The following ANKRD11 variants were observed in gnomAD, a reference collection of about 807,000 sequenced individuals.
ANKRD11 encodes ankyrin repeat domain 11, also known as ankyrin repeat domain-containing protein 11.
A neutral mutation model predicts 195.7 loss-of-function variants in ANKRD11; 17 were observed. That is an observed-to-expected ratio of 0.09 (90% CI 0.06 to 0.13). The LOEUF is 0.13. ANKRD11 is among the 10% of genes least tolerant of loss of function. The pLI, the probability that ANKRD11 is intolerant of heterozygous loss-of-function variation, is 1.00. For missense variants in ANKRD11, 3,735 were observed against 3,566.1 expected (o/e 1.05, Z -1.21); for synonymous variants, 1,953 against 1,528.1 (o/e 1.28, Z -6.49).
intron 2 of ANKRD11, among the ~76,000 whole-genome samples, chr16:89,380,917 C>A (rs2040615208): frequency 6.6e-6 from 1 of 152,162 alleles, no homozygotes; most frequent in South Asian, 2.1e-4. Flanking sequence ...CTGAGGCAGG[C>A]AGACGGAGCA....
rs997360364 is a variant in ANKRD11, at chr16:89,478,935, G to A, written c.-145+11310C>T. Among the ~76,000 whole-genome samples the A allele has an allele frequency of 7.9e-5, 12 of 152,300 alleles. No individual in the cohort carries two copies. The East Asian group carries it at 9.6e-4, about 12-fold the overall frequency. On this transcript the variant is annotated intron_variant, in intron 1 of 12. Transcript: ENST00000301030. ...TCCAGACCTTTCACTTGTTGGGTGT[G>A]TAAATAATGACCCAACACTTTTTCT...
chr16:89,416,241 G>A (rs1028258661), intron 2 of ANKRD11, among the ~76,000 whole-genome samples: 2 of 152,098 alleles, frequency 1.3e-5, no homozygotes. Flanking sequence ...GGTCCTGTCA[G>A]CAGAGTTGCT....
rs138564682 is a variant in ANKRD11, at chr16:89,381,953, T to C, written c.-60+36331A>G. ...CTCTCCACGGGGCTCAGACTGTATC[T>C]AGTTCTATCTTCAATGTAGTGTGTC... On this transcript the variant is annotated intron_variant, in intron 2 of 12. Transcript: ENST00000301030. Among the ~76,000 whole-genome samples the C allele has an allele frequency of 6.6e-4, 100 of 152,324 alleles. No homozygotes were observed. The Middle Eastern group carries it at 0.01, about 16-fold the overall frequency.
At chr16:89,473,293 T>G (rs770524969) in intron 1 of ANKRD11, among the ~76,000 whole-genome samples, 4 of 152,068 alleles carry the variant, frequency 2.6e-5, no homozygotes, top group Non-Finnish European at 4.4e-5. Context: ...AGAACTCTGA[T>G]GAGTCCATAC....
chr16:89,379,812 G>A (rs551944395), intron 2 of ANKRD11, among the ~76,000 whole-genome samples: 3 of 152,280 alleles, frequency 2.0e-5, no homozygotes, highest in South Asian at 2.1e-4. Flanking sequence ...TTAACATTCT[G>A]TTCAGCAAGA....
chr16:89,472,614 T>C (rs2057125813), intron 1 of ANKRD11, among the ~76,000 whole-genome samples: 2 of 152,276 alleles, frequency 1.3e-5, no homozygotes, highest in Admixed American at 6.5e-5. Context: ...CAACCTCCCA[T>C]TCCACTGCGC....
In ANKRD11 at chr16:89,283,666, T is replaced by C. The variant is rs755666999; in HGVS notation, c.2876A>G (p.Lys959Arg). 8.7e-6 allele frequency: 14 copies of C among 1,612,124 alleles called. No homozygotes were observed. The highest frequency in any genetic ancestry group is 1.1e-5 in the Non-Finnish European group (13 of 1,179,992). The change falls in exon 9 of 13, where the codon AAG becomes AGG. Residue 959 changes from lysine (K) to arginine (R), a missense_variant. Coordinates refer to ENST00000301030, the MANE Select transcript of ANKRD11 (RefSeq NM_013275.6). The surrounding 1 kb of genome is among the most constrained non-coding windows in gnomAD (Gnocchi z 4.3). The stretch of plus-strand genomic sequence containing the variant: ...CTTGGCCCTGCCGTCCCTGCGCTCC[T>C]TGCAGCTCTCCAGGGCGTCCTTTCT... ...RDRKDALESC[K>R]ERRDGRAKPE...
chr16:89,439,540 G>A (rs1044966108), intron 1 of ANKRD11, among the ~76,000 whole-genome samples: 1 of 152,198 alleles, frequency 6.6e-6, no homozygotes, highest in African/African-American at 2.4e-5. Flanking sequence ...GGATATGGGT[G>A]AGAAAACCCA....
intron 2 of ANKRD11, among the ~76,000 whole-genome samples, chr16:89,347,087 T>C (rs1042927870): frequency 6.6e-6 from 1 of 151,360 alleles, no homozygotes; most frequent in Admixed American, 6.6e-5. Flanking sequence ...ACTGAGCACA[T>C]GGGCTGGGCT....
At chr16:89,275,704 G>A (rs2033595739) in intron 9 of ANKRD11, among the ~76,000 whole-genome samples, 2 of 152,140 alleles carry the variant, frequency 1.3e-5, no homozygotes, top group Non-Finnish European at 2.9e-5. Context: ...ACTGGCCCAG[G>A]TCCCCGTGGG....
At position 89,282,233 on chromosome 16, in the gene ANKRD11, G is replaced by A. The variant is rs770961045; in HGVS notation, c.4309C>T (p.Pro1437Ser). The change falls in exon 9 of 13, where the codon CCT becomes TCT. Residue 1437 changes from proline (P) to serine (S), a missense_variant. Physicochemically the swap from Pro to Ser is moderately conservative, Grantham distance 74. Coordinates refer to ENST00000301030, the MANE Select transcript of ANKRD11 (RefSeq NM_013275.6). ...AGTTCCTTTTCTATTTTCTTGGAAG[G>A]TTCTCTCTCGGAATCATTTTTATCT... is the stretch of plus-strand genomic sequence containing the variant. Reference protein sequence around the residue: ...KKDKNDSEREPSKKIEKELKP... With the variant: ...KKDKNDSERESSKKIEKELKP... 7 of 1,613,418 alleles carry A rather than the reference G, an allele frequency of 4.3e-6. No homozygotes were observed. In the South Asian group the frequency reaches 4.4e-5, roughly 10 times the overall value.
At chr16:89,330,560 G>T (rs576456231) in intron 2 of ANKRD11, among the ~76,000 whole-genome samples, 1 of 151,188 alleles carries the variant, frequency 6.6e-6, no homozygotes, top group African/African-American at 2.4e-5. Flanking sequence ...GGGGTGGTGT[G>T]GGGGGGAGCC....
intron 2 of ANKRD11, among the ~76,000 whole-genome samples, chr16:89,325,469 T>A (rs575714229): frequency 0.026 from 3,885 of 147,672 alleles, 180 homozygotes; most frequent in African/African-American, 0.094. Flanking sequence ...TCTCTCTCTC[T>A]CACACACACA....
intron 2 of ANKRD11, among the ~76,000 whole-genome samples, chr16:89,346,458 C>G (rs1350324340): frequency 6.6e-6 from 1 of 152,092 alleles, no homozygotes; most frequent in African/African-American, 2.4e-5. Context: ...AATAATCACG[C>G]AATCCATTTT....
At chr16:89,384,081 G>A (rs148361323) in intron 2 of ANKRD11, among the ~76,000 whole-genome samples, 1 of 152,198 alleles carries the variant, frequency 6.6e-6, no homozygotes, top group Non-Finnish European at 1.5e-5. Flanking sequence ...TTAGCCGGGC[G>A]TGGTGGCAGG....
At chr16:89,274,591 G>A (rs1229233828) in intron 11 of ANKRD11, 3 of 645,594 alleles carry the variant, frequency 4.6e-6, no homozygotes, top group East Asian at 5.6e-5. Context: ...AGTGGCCTGA[G>A]GGCCTTGCCC....
At chr16:89,346,112 G>A (rs887456352) in intron 2 of ANKRD11, among the ~76,000 whole-genome samples, 1 of 151,864 alleles carries the variant, frequency 6.6e-6, no homozygotes, top group Non-Finnish European at 1.5e-5. Flanking sequence ...AGCCGGGCGT[G>A]GTGCCGGGCG....
At chr16:89,349,134 T>TTA (rs1465337833) in intron 2 of ANKRD11, among the ~76,000 whole-genome samples, 2 of 16,578 alleles carry the variant, frequency 1.2e-4, no homozygotes, top group African/African-American at 5.6e-4. Flanking sequence ...TCTCAAAAAG[T>TTA]AAAAAAAAAA....
intron 1 of ANKRD11, among the ~76,000 whole-genome samples, chr16:89,446,454 C>G (rs1299951789): frequency 6.6e-6 from 1 of 152,064 alleles, no homozygotes; most frequent in Non-Finnish European, 1.5e-5. Flanking sequence ...AAACACAAAA[C>G]TTATCCGGGT....
Sources: allele counts gnomAD v4.1 joint callset (sites outside exome capture counted in the v4.1 genomes callset), GRCh38; gene constraint gnomAD v4.1.1; non-coding constraint Gnocchi (gnomAD v3.1); transcripts MANE v1.5; gene names NCBI Gene and HGNC (gene_info 2026-07-23, HGNC 2026-07-21).